Variants in FTO observed in about 807,000 individuals in gnomAD.
FTO encodes the protein FTO alpha-ketoglutarate dependent dioxygenase, also known as alpha-ketoglutarate-dependent dioxygenase FTO.
In FTO, 47 loss-of-function variants were observed where a neutral mutation model predicts 63.9. The observed-to-expected ratio is 0.74, with a 90% CI of 0.58 to 0.94. The LOEUF (loss-of-function observed/expected upper bound fraction) is 0.94. Among genes scored for constraint, FTO ranks in the 40% least tolerant of loss-of-function variants. The probability of loss-of-function intolerance (pLI) is 0.00; values close to 1 mark genes in which losing one functional copy is unlikely to be tolerated. For missense variants in FTO, 562 were observed against 618.1 expected (o/e 0.91, Z 0.96); for synonymous variants, 207 against 224.4 (o/e 0.92, Z 0.69).
rs1285082660 is a variant in FTO at position 53,804,453 on chromosome 16, C to T, written c.46-5687C>T. Among the ~76,000 whole-genome samples the T allele has an allele frequency of 2.6e-5, 4 of 152,104 alleles. No homozygotes were observed. The East Asian group carries it at 5.8e-4, about 22-fold the overall frequency. On this transcript the variant is annotated intron_variant, in intron 1 of 8. Transcript: ENST00000471389. ...GAGTCTCCATTCAAAATTCTACTTT[C>T]GCCTCCAAATCCAGTTTACTTTTAC...
chr16:53,818,276 T>C (rs2078756777), intron 2 of FTO, among the ~76,000 whole-genome samples: 1 of 152,062 alleles, frequency 6.6e-6, no homozygotes, highest in Non-Finnish European at 1.5e-5. Flanking sequence ...GGCATTTAGG[T>C]TGAGATTTTT....
chr16:53,928,832 G>A (rs913310826), intron 7 of FTO, among the ~76,000 whole-genome samples: 1 of 151,630 alleles, frequency 6.6e-6, no homozygotes, highest in African/African-American at 2.4e-5. Flanking sequence ...GGTTTTTTAT[G>A]GTTTTTATTT....
intron 1 of FTO, among the ~76,000 whole-genome samples, chr16:53,782,301 G>T (rs890165798): frequency 3.3e-5 from 5 of 152,096 alleles, no homozygotes; most frequent in African/African-American, 1.2e-4. Context: ...TTTTCCCTGG[G>T]ACCTGTGACA....
intron 4 of FTO, among the ~76,000 whole-genome samples, chr16:53,872,377 T>C: frequency 6.6e-6 from 1 of 152,232 alleles, no homozygotes; most frequent in East Asian, 1.9e-4. Context: ...GCATTCTGCC[T>C]TTCGAGGCCC....
chr16:54,077,680 C>T (rs1191052208), intron 8 of FTO, among the ~76,000 whole-genome samples: 1 of 152,060 alleles, frequency 6.6e-6, no homozygotes, highest in Non-Finnish European at 1.5e-5. Flanking sequence ...TGTTCATGTT[C>T]AGAGAAATCA....
At chr16:53,789,767 T>TATACACAC (rs144269494) in intron 1 of FTO, among the ~76,000 whole-genome samples, 6 of 147,778 alleles carry the variant, frequency 4.1e-5, no homozygotes, top group African/African-American at 1.5e-4. Flanking sequence ...TATATATATA[T>TATACACAC]ACACACACAC....
At chr16:54,038,332 T>A (rs921132334) in intron 8 of FTO, among the ~76,000 whole-genome samples, 31 of 152,248 alleles carry the variant, frequency 2.0e-4, no homozygotes, top group African/African-American at 7.2e-4. Context: ...TGTTTAGAGG[T>A]GGAACTTGGC....
intron 7 of FTO, among the ~76,000 whole-genome samples, chr16:53,896,802 G>T (rs1025459538): frequency 6.6e-6 from 1 of 152,110 alleles, no homozygotes; most frequent in African/African-American, 2.4e-5. Context: ...CTGGGGTTCA[G>T]TCCAGGAGCT....
chr16:53,920,135 A>G (rs769845252), intron 7 of FTO, among the ~76,000 whole-genome samples: 3 of 152,200 alleles, frequency 2.0e-5, no homozygotes, highest in Non-Finnish European at 4.4e-5. Flanking sequence ...CTAGGGAGAA[A>G]AAGGAGCTAA....
chr16:53,966,910 G>T (rs1183801467), intron 8 of FTO, among the ~76,000 whole-genome samples: 2 of 152,186 alleles, frequency 1.3e-5, no homozygotes, highest in Non-Finnish European at 2.9e-5. Context: ...GTAGAATGTT[G>T]CATGCTGTTC....
At chr16:54,027,101 A>C (rs751530939) in intron 8 of FTO, among the ~76,000 whole-genome samples, 22 of 152,256 alleles carry the variant, frequency 1.4e-4, no homozygotes, top group Admixed American at 5.9e-4. Context: ...GAGAAGAGAG[A>C]AGTCACCGAA....
intron 8 of FTO, among the ~76,000 whole-genome samples, chr16:53,971,305 G>A (rs1165597677): frequency 6.6e-6 from 1 of 152,138 alleles, no homozygotes; most frequent in African/African-American, 2.4e-5. Flanking sequence ...AGATTACTAA[G>A]TCAAAAGATA....
chr16:53,859,057 C>T (rs2080093950), intron 4 of FTO, among the ~76,000 whole-genome samples: 1 of 152,174 alleles, frequency 6.6e-6, no homozygotes, highest in African/African-American at 2.4e-5. Context: ...TCCCAGGAGA[C>T]TGCAGAGTAT....
chr16:53,997,745 G>A (rs572117394), intron 8 of FTO, among the ~76,000 whole-genome samples: 22 of 151,812 alleles, frequency 1.4e-4, no homozygotes, highest in African/African-American at 4.8e-4. Context: ...CTACAAATGT[G>A]TCTGTTATGT....
chr16:53,909,117 T>C (rs1056281222), intron 7 of FTO, among the ~76,000 whole-genome samples: 1 of 152,204 alleles, frequency 6.6e-6, no homozygotes, highest in African/African-American at 2.4e-5. Flanking sequence ...TGTTCCATCC[T>C]CTTCCAGTAG....
At chr16:53,942,799 T>C (rs2082562505) in intron 8 of FTO, among the ~76,000 whole-genome samples, 1 of 152,210 alleles carries the variant, frequency 6.6e-6, no homozygotes, top group Non-Finnish European at 1.5e-5. Flanking sequence ...CCTGTGATTG[T>C]GTCATCGGAC....
intron 2 of FTO, 121 bp downstream of exon 2, chr16:53,810,338 C>A: frequency 1.4e-6 from 1 of 710,084 alleles, no homozygotes. Context: ...TTAGATCACC[C>A]ATGACTTCTC....
chr16:54,009,829 C>T (rs538731636), intron 8 of FTO, among the ~76,000 whole-genome samples: 20 of 152,288 alleles, frequency 1.3e-4, no homozygotes, highest in Admixed American at 2.6e-4. Context: ...CTCTGTGACT[C>T]GGCCTACCCA....
At chr16:53,889,137 T>A (rs528102799) in intron 7 of FTO, among the ~76,000 whole-genome samples, 186 bp downstream of exon 7, 1 of 152,350 alleles carries the variant, frequency 6.6e-6, no homozygotes, top group Non-Finnish European at 1.5e-5. Flanking sequence ...CAATAAGCAT[T>A]TATTGAGTAT....
Sources: gnomAD v4.1 joint callset for allele counts (sites outside exome capture counted in the v4.1 genomes callset) on GRCh38, gnomAD v4.1.1 for gene constraint, MANE v1.5 for transcripts, NCBI Gene and HGNC (gene_info 2026-07-23, HGNC 2026-07-21) for gene names.